Variants in NAALADL2 observed in about 807,000 individuals in gnomAD.
NAALADL2 encodes the protein inactive N-acetylated-alpha-linked acidic dipeptidase-like protein 2.
NAALADL2 carries 76 observed loss-of-function variants against 87.2 expected under a neutral mutation model. The observed-to-expected ratio is 0.87, with a 90% CI of 0.72 to 1.05. The LOEUF is 1.05. Among genes scored for constraint, NAALADL2 ranks in the 50% least tolerant of loss-of-function variants. NAALADL2 has a pLI of 0.00. For missense variants in NAALADL2, 1,089 were observed against 945.8 expected (o/e 1.15, Z -1.99); for synonymous variants, 354 against 331.0 (o/e 1.07, Z -0.75).
intron 2 of NAALADL2, among the ~76,000 whole-genome samples, chr3:175,178,452 T>G (rs1448622206): frequency 6.6e-6 from 1 of 152,006 alleles, no homozygotes; most frequent in Non-Finnish European, 1.5e-5. Context: ...TGCTTCCAAG[T>G]TGATTTAGTG....
intron 6 of NAALADL2, among the ~76,000 whole-genome samples, chr3:175,454,177 T>TTAATA (rs1262026159): frequency 1.3e-5 from 2 of 152,110 alleles, no homozygotes; most frequent in Non-Finnish European, 2.9e-5. Context: ...TTTAATGTGA[T>TTAATA]TAATATGTAC....
chr3:174,560,828 G>C (rs893542688), intron 2 of NAALADL2, among the ~76,000 whole-genome samples: 1 of 152,108 alleles, frequency 6.6e-6, no homozygotes, highest in Admixed American at 6.6e-5. Context: ...TTCAGGTGCT[G>C]TTCTGGTCTA....
chr3:175,381,538 T>A (rs1052374176), intron 5 of NAALADL2, among the ~76,000 whole-genome samples: 3 of 152,138 alleles, frequency 2.0e-5, no homozygotes, highest in African/African-American at 7.2e-5. Flanking sequence ...TCATTTAATA[T>A]GTTTTAAGTG....
chr3:175,091,523 C>A (rs111531408), intron 1 of NAALADL2, among the ~76,000 whole-genome samples: 14 of 151,918 alleles, frequency 9.2e-5, no homozygotes, highest in Non-Finnish European at 2.9e-5. Context: ...GTAGGAAAGC[C>A]TTTATATGTG....
At chr3:175,055,064 A>G (rs1426687381) in intron 1 of NAALADL2, among the ~76,000 whole-genome samples, 1 of 152,190 alleles carries the variant, frequency 6.6e-6, no homozygotes, top group Non-Finnish European at 1.5e-5. Flanking sequence ...AAATGATTGA[A>G]ATGTCCTCCT....
At chr3:175,494,992 T>G (rs1228334235) in intron 9 of NAALADL2, among the ~76,000 whole-genome samples, 1 of 151,400 alleles carries the variant, frequency 6.6e-6, no homozygotes, top group East Asian at 1.9e-4. Flanking sequence ...GAACAATTGC[T>G]TACTAAGACT....
At chr3:175,650,470 C>T (rs774561609) in intron 11 of NAALADL2, among the ~76,000 whole-genome samples, 4 of 152,126 alleles carry the variant, frequency 2.6e-5, no homozygotes, top group Non-Finnish European at 4.4e-5. Context: ...AGTATACATG[C>T]AATGGATGAA....
intron 5 of NAALADL2, among the ~76,000 whole-genome samples, chr3:175,426,870 A>G (rs1026396321): frequency 1.3e-5 from 2 of 152,166 alleles, no homozygotes; most frequent in Admixed American, 1.3e-4. Context: ...ATGGTGTCAG[A>G]GAGAGTGCTG....
intron 13 of NAALADL2, among the ~76,000 whole-genome samples, chr3:175,793,114 A>G (rs1752992880): frequency 6.6e-6 from 1 of 152,140 alleles, no homozygotes; most frequent in Non-Finnish European, 1.5e-5. Context: ...ACATTATGAC[A>G]ATTGAGATCA....
At chr3:175,797,825 AAAC>A (rs1338112893) in intron 13 of NAALADL2, among the ~76,000 whole-genome samples, 1 of 152,072 alleles carries the variant, frequency 6.6e-6, no homozygotes, top group Non-Finnish European at 1.5e-5. Flanking sequence ...AAATATCCAC[AAAC>A]AAGAAGCATT....
chr3:175,378,224 T>G (rs1767391883), intron 5 of NAALADL2, among the ~76,000 whole-genome samples: 2 of 151,952 alleles, frequency 1.3e-5, no homozygotes, highest in African/African-American at 4.8e-5. Flanking sequence ...CCTGCTTACC[T>G]GTGCGCTCAC....
chr3:174,950,590 G>A (rs1225715226), intron 1 of NAALADL2, among the ~76,000 whole-genome samples: 1 of 151,934 alleles, frequency 6.6e-6, no homozygotes, highest in Non-Finnish European at 1.5e-5. Context: ...AACTATATAT[G>A]GTGTTCTTGA....
At chr3:175,499,817 T>C (rs1729298973) in intron 9 of NAALADL2, among the ~76,000 whole-genome samples, 1 of 152,078 alleles carries the variant, frequency 6.6e-6, no homozygotes, top group Admixed American at 6.6e-5. Context: ...ATTTGAGTCT[T>C]CTACTTGTAG....
intron 3 of NAALADL2, among the ~76,000 whole-genome samples, chr3:174,836,708 C>CA (rs36091749): frequency 0.25 from 15,995 of 65,150 alleles, 2,978 homozygotes; most frequent in Non-Finnish European, 0.29. Flanking sequence ...GACTCCGTCT[C>CA]AAAAAAAAAA....
intron 3 of NAALADL2, among the ~76,000 whole-genome samples, chr3:174,794,677 A>G (rs1387343909): frequency 6.6e-6 from 1 of 152,124 alleles, no homozygotes; most frequent in Non-Finnish European, 1.5e-5. Context: ...TAAACTTTTT[A>G]TTTTAAAAAC....
intron 3 of NAALADL2, among the ~76,000 whole-genome samples, chr3:174,772,935 G>A (rs1035733914): frequency 6.6e-6 from 1 of 152,188 alleles, no homozygotes; most frequent in African/African-American, 2.4e-5. Flanking sequence ...AAAAAATACA[G>A]GGATGCCATC....
At chr3:175,434,478 T>C (rs921951573) in intron 5 of NAALADL2, among the ~76,000 whole-genome samples, 5 of 152,000 alleles carry the variant, frequency 3.3e-5, no homozygotes, top group African/African-American at 9.7e-5. Context: ...AACATCTATA[T>C]CAGGGAAGCA....
intron 2 of NAALADL2, among the ~76,000 whole-genome samples, chr3:175,188,546 A>G (rs1261613668): frequency 6.6e-6 from 1 of 152,148 alleles, no homozygotes; most frequent in African/African-American, 2.4e-5. Flanking sequence ...CCAGGGAATC[A>G]GAGACATGAC....
chr3:174,715,039 G>A (rs1416784566), intron 2 of NAALADL2, among the ~76,000 whole-genome samples: 1 of 152,098 alleles, frequency 6.6e-6, no homozygotes, highest in Non-Finnish European at 1.5e-5. Context: ...GGCCTTTTCT[G>A]CATCTATTGA....
Sources: gnomAD v4.1 joint callset for allele counts (sites outside exome capture counted in the v4.1 genomes callset) on GRCh38, gnomAD v4.1.1 for gene constraint, MANE v1.5 for transcripts, NCBI Gene and HGNC (gene_info 2026-07-23, HGNC 2026-07-21) for gene names.